PLPPR5: variants seen among roughly 807,000 people sequenced by gnomAD.
PLPPR5 encodes phospholipid phosphatase-related protein type 5.
PLPPR5 carries 16 observed loss-of-function variants against 33.9 expected under a neutral mutation model. That is an observed-to-expected ratio of 0.47 (90% CI 0.32 to 0.72). PLPPR5 has a LOEUF of 0.72. Among genes scored for constraint, PLPPR5 ranks in the 30% least tolerant of loss-of-function variants. PLPPR5 has a pLI of 0.03. For synonymous variants in PLPPR5, 163 were observed against 150.3 expected (o/e 1.08, Z -0.62); for missense variants, 301 against 406.7 (o/e 0.74, Z 2.23).
rs184691000 is a variant in PLPPR5 at position 98,968,349 on chromosome 1, T to C, written c.238-11608A>G. ...AATTAATAAAAAATTAGTATGTGGG[T>C]TATTAGTAAGCTTTCCAGTTTTTCT... is the stretch of plus-strand genomic sequence containing the variant. On this transcript the variant is annotated intron_variant, in intron 1 of 5. Transcript: ENST00000263177. 2.5e-3 allele frequency among the ~76,000 whole-genome samples: 383 copies of C among 152,192 alleles called. 1 individual carries two copies. The highest frequency in any genetic ancestry group is 8.8e-3 in the African/African-American group (365 of 41,546).
intron 1 of PLPPR5, among the ~76,000 whole-genome samples, chr1:98,964,858 C>A (rs1342121654): frequency 6.6e-6 from 1 of 152,084 alleles, no homozygotes; most frequent in Non-Finnish European, 1.5e-5. Context: ...GGGTGGAGTG[C>A]CATGGTGCAA....
chr1:98,980,771 C>T (rs1360837892), intron 1 of PLPPR5, among the ~76,000 whole-genome samples: 1 of 151,828 alleles, frequency 6.6e-6, no homozygotes, highest in Non-Finnish European at 1.5e-5. Context: ...AAATACAAGT[C>T]AAGGTGAATT....
intron 5 of PLPPR5, among the ~76,000 whole-genome samples, chr1:98,902,818 TAC>T (rs956225711): frequency 2.0e-5 from 3 of 152,146 alleles, no homozygotes; most frequent in Non-Finnish European, 4.4e-5. Context: ...AATTTAAAGA[TAC>T]AGTCATCAAT....
chr1:98,909,490 T>C (rs1042685123), intron 5 of PLPPR5, among the ~76,000 whole-genome samples: 1 of 151,926 alleles, frequency 6.6e-6, no homozygotes, highest in Non-Finnish European at 1.5e-5. Flanking sequence ...TTCCATGTTT[T>C]GATTTACCTC....
chr1:98,971,905 GC>G (rs918712210), intron 1 of PLPPR5, among the ~76,000 whole-genome samples: 1 of 151,990 alleles, frequency 6.6e-6, no homozygotes, highest in Non-Finnish European at 1.5e-5. Flanking sequence ...AACAGGCAAG[GC>G]TCCCCCCATG....
In PLPPR5 at chr1:98,941,995, T is replaced by C. The variant is rs567154495; in HGVS notation, c.621+11075A>G. Among the ~76,000 whole-genome samples the C allele has an allele frequency of 5.5e-5, 8 of 145,974 alleles. No homozygotes were observed. In the East Asian group the frequency reaches 1.2e-3, roughly 21 times the overall value. ...ACAGATACATATATGTATACGTATA[T>C]ATATATATATATACACATATACGTA... On this transcript the variant is annotated intron_variant, in intron 3 of 5. Coordinates refer to ENST00000263177, the MANE Select transcript of PLPPR5 (RefSeq NM_001037317.2).
chr1:98,990,326 G>A (rs952301891), intron 1 of PLPPR5, among the ~76,000 whole-genome samples: 8 of 152,008 alleles, frequency 5.3e-5, no homozygotes, highest in African/African-American at 1.9e-4. Context: ...CTGAGATCGC[G>A]CCACTATACT....
intron 1 of PLPPR5, among the ~76,000 whole-genome samples, chr1:99,003,056 CATATATATAT>C (rs59686592): frequency 0.014 from 1,124 of 81,114 alleles, 10 homozygotes; most frequent in Middle Eastern, 0.033. Context: ...ACTTATTTTA[CATATATATAT>C]ATATATATAT....
chr1:98,973,061 T>A (rs1411285688), intron 1 of PLPPR5, among the ~76,000 whole-genome samples: 1 of 152,020 alleles, frequency 6.6e-6, no homozygotes, highest in Admixed American at 6.6e-5. Context: ...CACCTGGATC[T>A]TTGACCTATT....
At chr1:98,988,206 C>T (rs994904539) in intron 1 of PLPPR5, among the ~76,000 whole-genome samples, 1 of 152,014 alleles carries the variant, frequency 6.6e-6, no homozygotes, top group Non-Finnish European at 1.5e-5. Context: ...TTTAAAAAGT[C>T]AAATCTGAAA....
Position 98,931,050 on chromosome 1 carries a change from C to T in PLPPR5, c.622-8992G>A, listed in dbSNP as rs569874441. ...AAAGGTGTCAAAACACATCTCTTTGCTTAGTGTCTGCTTGCACCTCAAATC... is the reference window on the plus strand; with the variant it reads ...AAAGGTGTCAAAACACATCTCTTTGTTTAGTGTCTGCTTGCACCTCAAATC... On this transcript the variant is annotated intron_variant, in intron 3 of 5. Coordinates refer to ENST00000263177, the MANE Select transcript of PLPPR5 (RefSeq NM_001037317.2). Among the ~76,000 whole-genome samples the T allele has an allele frequency of 2.0e-5, 3 of 152,182 alleles. No individual in the cohort carries two copies. The South Asian group carries it at 6.2e-4, about 31-fold the overall frequency.
At chr1:98,900,553 T>C (rs1295501986) in intron 5 of PLPPR5, among the ~76,000 whole-genome samples, 1 of 152,198 alleles carries the variant, frequency 6.6e-6, no homozygotes, top group Non-Finnish European at 1.5e-5. Flanking sequence ...TTCACTATCA[T>C]AACAGCTGAT....
At chr1:98,904,577 T>A (rs1340272100) in intron 5 of PLPPR5, among the ~76,000 whole-genome samples, 1 of 152,180 alleles carries the variant, frequency 6.6e-6, no homozygotes, top group African/African-American at 2.4e-5. Flanking sequence ...CTATATGGCA[T>A]CAGTTAAAAT....
intron 1 of PLPPR5, among the ~76,000 whole-genome samples, chr1:98,970,871 T>C (rs1222109147): frequency 6.6e-6 from 1 of 152,098 alleles, no homozygotes; most frequent in African/African-American, 2.4e-5. Flanking sequence ...AATGTCAAAC[T>C]TGACATTATA....
chr1:99,001,705 T>TATATAG (rs1553173330), intron 1 of PLPPR5, among the ~76,000 whole-genome samples: 7 of 129,158 alleles, frequency 5.4e-5, no homozygotes, highest in African/African-American at 1.9e-4. Flanking sequence ...TATATATATA[T>TATATAG]GAAGCTTTAT....
At chr1:98,956,545 T>C in intron 2 of PLPPR5, 64 bp downstream of exon 2, 3 of 1,420,296 alleles carry the variant, frequency 2.1e-6, no homozygotes, top group Non-Finnish European at 2.8e-6. Context: ...TGGGTTATTT[T>C]AAGGTTTAGC....
intron 1 of PLPPR5, among the ~76,000 whole-genome samples, chr1:98,988,726 C>T (rs1652346089): frequency 6.6e-6 from 1 of 152,068 alleles, no homozygotes; most frequent in African/African-American, 2.4e-5. Flanking sequence ...TACTACTTTT[C>T]TCAAGATATT....
intron 3 of PLPPR5, among the ~76,000 whole-genome samples, chr1:98,941,875 A>G (rs1175867866): frequency 6.6e-6 from 1 of 150,676 alleles, no homozygotes; most frequent in Non-Finnish European, 1.5e-5. Flanking sequence ...TATAAGAAGA[A>G]GGTAACCTTT....
chr1:98,963,633 T>C (rs1651326695), intron 1 of PLPPR5, among the ~76,000 whole-genome samples: 1 of 152,160 alleles, frequency 6.6e-6, no homozygotes, highest in South Asian at 2.1e-4. Flanking sequence ...GCCTGGGAAC[T>C]TGTGAGCCTC....
Sources: gnomAD v4.1 joint callset for allele counts (sites outside exome capture counted in the v4.1 genomes callset) on GRCh38, gnomAD v4.1.1 for gene constraint, MANE v1.5 for transcripts, NCBI Gene and HGNC (gene_info 2026-07-23, HGNC 2026-07-21) for gene names.